RIMS1: variants seen among roughly 807,000 people sequenced by gnomAD.
The protein encoded by RIMS1 is regulating synaptic membrane exocytosis 1.
Under a neutral mutation model 214.1 loss-of-function variants are expected in RIMS1, and 83 were observed. The ratio of observed to expected loss-of-function variants is 0.39; its 90% CI spans 0.32 to 0.47. The LOEUF is 0.47. Among genes scored for constraint, RIMS1 ranks in the 20% least tolerant of loss-of-function variants. RIMS1 has a pLI of 0.99. For missense variants in RIMS1, 2,050 were observed against 2,161.8 expected (o/e 0.95, Z 1.03); for synonymous variants, 793 against 786.8 (o/e 1.01, Z -0.13).
intron 6 of RIMS1, among the ~76,000 whole-genome samples, chr6:72,226,751 C>G (rs1027188113): frequency 1.1e-4 from 10 of 88,298 alleles, no homozygotes; most frequent in Non-Finnish European, 1.7e-4. Flanking sequence ...CAGCATTTTT[C>G]TAAGCCCATT....
rs149622925 is a variant in RIMS1, at chr6:71,982,163, G to A, written c.245+13100G>A. Reference sequence around the variant, plus strand: ...CTCTGCATTTCCATGCAATTCCAGGGAGCCATTTCCACCATCTATTATCCT... The same window carrying A: ...CTCTGCATTTCCATGCAATTCCAGGAAGCCATTTCCACCATCTATTATCCT... On this transcript the variant is annotated intron_variant, in intron 2 of 33. Transcript: ENST00000521978. Among the ~76,000 whole-genome samples the A allele has an allele frequency of 1.4e-3, 208 of 152,128 alleles. 2 individuals carry two copies. The highest frequency in any genetic ancestry group is 4.9e-3 in the African/African-American group (203 of 41,506).
chr6:71,923,982 T>C (rs889961657), intron 1 of RIMS1, among the ~76,000 whole-genome samples: 37 of 152,236 alleles, frequency 2.4e-4, no homozygotes, highest in African/African-American at 8.7e-4. Context: ...GCTAATCATG[T>C]TATACATTTT....
At chr6:72,209,770 A>G (rs2053509215) in intron 6 of RIMS1, among the ~76,000 whole-genome samples, 3 of 151,892 alleles carry the variant, frequency 2.0e-5, no homozygotes, top group African/African-American at 7.3e-5. Context: ...ATGTGGTGGC[A>G]GGCGCCTGTA....
At chr6:72,081,719 A>G (rs1833457149) in intron 2 of RIMS1, among the ~76,000 whole-genome samples, 1 of 152,154 alleles carries the variant, frequency 6.6e-6, no homozygotes, top group Admixed American at 6.6e-5. Flanking sequence ...GCATTTGTAT[A>G]AATTAAAAAT....
chr6:72,294,464 T>C (rs1042711798), intron 26 of RIMS1, among the ~76,000 whole-genome samples: 3 of 151,894 alleles, frequency 2.0e-5, no homozygotes, highest in Admixed American at 6.6e-5. Context: ...TGTTTAGAAA[T>C]AATTTGATAA....
chr6:71,949,684 TA>T (rs1402990314), intron 1 of RIMS1, among the ~76,000 whole-genome samples: 11 of 152,324 alleles, frequency 7.2e-5, no homozygotes, highest in African/African-American at 2.6e-4. Context: ...CATCATGTGG[TA>T]TTACATACAG....
chr6:72,242,284 TA>T, intron 9 of RIMS1, 29 bp from the exon 10 acceptor site: 5 of 1,499,270 alleles, frequency 3.3e-6, no homozygotes, highest in Middle Eastern at 2.3e-4. Context: ...ATATATAAGG[TA>T]AAAAAATACC....
intron 4 of RIMS1, among the ~76,000 whole-genome samples, chr6:72,124,450 G>C (rs1400093925): frequency 6.6e-6 from 1 of 151,712 alleles, no homozygotes; most frequent in Admixed American, 6.6e-5. Context: ...AATTATGTGT[G>C]TGTCTTGGGG....
intron 1 of RIMS1, among the ~76,000 whole-genome samples, chr6:71,899,297 T>G (rs927018363): frequency 6.6e-6 from 1 of 150,446 alleles, no homozygotes; most frequent in African/African-American, 2.4e-5. Flanking sequence ...TAAAATAATG[T>G]TTTGGTTTTT....
In RIMS1 at chr6:72,265,460, T is replaced by A. The variant is rs1563262942; in HGVS notation, c.3265T>A (p.Phe1089Ile). 1 of 1,608,640 alleles carries A rather than the reference T, an allele frequency of 6.2e-7. No individual in the cohort carries two copies. The highest frequency in any genetic ancestry group is 1.7e-5 in the Admixed American group (1 of 59,862). The change falls in exon 21 of 34, where the codon TTT (phenylalanine) becomes ATT (isoleucine). Residue 1089 changes from phenylalanine (F) to isoleucine (I), a missense_variant. This residue lies in a region of RIMS1 where 889 missense variants were observed against 885.5 expected (regional missense o/e 1.00). Coordinates refer to ENST00000521978, the MANE Select transcript of RIMS1 (RefSeq NM_014989.7). ...RQDISLHHEC[F>I]NSTVLRFTDE... ...GGACATTTCCCTTCATCATGAATGC[T>A]TTAACTCAACAGTATTGAGATTTAC...
At chr6:72,295,469 A>G (rs748254436) in intron 26 of RIMS1, among the ~76,000 whole-genome samples, 13 of 152,030 alleles carry the variant, frequency 8.6e-5, no homozygotes, top group African/African-American at 1.9e-4. Flanking sequence ...AGATAAAAAA[A>G]TAAATTTCAT....
At chr6:72,048,448 T>C (rs181433824) in intron 2 of RIMS1, among the ~76,000 whole-genome samples, 6 of 152,336 alleles carry the variant, frequency 3.9e-5, no homozygotes, top group Non-Finnish European at 7.3e-5. Flanking sequence ...TAATATGTTT[T>C]CATTCATCAG....
chr6:72,026,123 A>C (rs1415491978), intron 2 of RIMS1, among the ~76,000 whole-genome samples: 1 of 152,202 alleles, frequency 6.6e-6, no homozygotes, highest in Non-Finnish European at 1.5e-5. Context: ...GAAGGCCTAC[A>C]TAGAGCCCGA....
At chr6:72,082,570 T>C (rs573355810) in intron 2 of RIMS1, among the ~76,000 whole-genome samples, 1 of 152,290 alleles carries the variant, frequency 6.6e-6, no homozygotes, top group South Asian at 2.1e-4. Flanking sequence ...TCTGCTCTTT[T>C]CTCAAGTATT....
chr6:72,002,894 G>A (rs1166163712), intron 2 of RIMS1, among the ~76,000 whole-genome samples: 2 of 152,190 alleles, frequency 1.3e-5, no homozygotes, highest in Non-Finnish European at 2.9e-5. Flanking sequence ...AGACTCAGTG[G>A]AGTAATTGTC....
chr6:72,108,499 A>G (rs543162388), intron 4 of RIMS1, among the ~76,000 whole-genome samples: 2 of 152,172 alleles, frequency 1.3e-5, no homozygotes, highest in South Asian at 2.1e-4. Flanking sequence ...TCTATTATCT[A>G]CCAGGATCAT....
At chr6:72,010,508 G>A (rs547978203) in intron 2 of RIMS1, among the ~76,000 whole-genome samples, 9 of 152,188 alleles carry the variant, frequency 5.9e-5, no homozygotes, top group African/African-American at 2.2e-4. Context: ...GGAAATAAAG[G>A]GTATTCAATT....
chr6:72,222,123 A>T (rs773584037), intron 6 of RIMS1, among the ~76,000 whole-genome samples: 32 of 152,042 alleles, frequency 2.1e-4, no homozygotes, highest in Non-Finnish European at 3.8e-4. Flanking sequence ...ATTCAATTTA[A>T]TTTTTTATAA....
chr6:72,400,633 T>A lies in RIMS1; in HGVS notation c.4998T>A (p.Asp1666Glu), dbSNP rs768317958. The A allele has an allele frequency of 6.2e-7, 1 of 1,613,830 alleles. No individual in the cohort carries two copies. The highest frequency in any genetic ancestry group is 1.1e-5 in the South Asian group (1 of 91,066). ...YKLFPPSSLVDPTLTPLTRRA... is the reference protein window; with the variant it reads ...YKLFPPSSLVEPTLTPLTRRA... The stretch of plus-strand genomic sequence containing the variant: ...TGTTCCCACCGTCCTCACTGGTGGA[T>A]CCCACACTCACTCCCCTCACCCGGC... The change falls in exon 34 of 34, where the codon GAT (aspartate) becomes GAA (glutamate). Residue 1666 changes from aspartate (D) to glutamate (E), a missense_variant. Transcript: ENST00000521978.
Sources: allele counts gnomAD v4.1 joint callset (sites outside exome capture counted in the v4.1 genomes callset), GRCh38; gene constraint gnomAD v4.1.1; regional missense constraint gnomAD v4.1.1; transcripts MANE v1.5; gene names NCBI Gene and HGNC (gene_info 2026-07-23, HGNC 2026-07-21).